ASZ1: variants seen among roughly 807,000 people sequenced by gnomAD.
The protein encoded by ASZ1 is ankyrin repeat, SAM and basic leucine zipper domain-containing protein 1.
ASZ1 carries 67 observed loss-of-function variants against 61.8 expected under a neutral mutation model. The ratio of observed to expected loss-of-function variants is 1.08; its 90% confidence interval spans 0.89 to 1.33. The LOEUF is 1.33. Ranked by LOEUF, ASZ1 falls within the 40% of genes most tolerant of loss-of-function variation. The pLI is 0.00. For missense variants in ASZ1, 577 were observed against 554.5 expected (o/e 1.04, Z -0.41); for synonymous variants, 193 against 192.7 (o/e 1.00, Z -0.01).
chr7:117,377,089 C>A (rs1489959265), intron 10 of ASZ1, among the ~76,000 whole-genome samples: 1 of 152,130 alleles, frequency 6.6e-6, no homozygotes, highest in Non-Finnish European at 1.5e-5. Flanking sequence ...AATGTACAGT[C>A]GAGACACAAA....
At chr7:117,372,645 TAAAGGTATTTATAAGC>T (rs140777138) in intron 10 of ASZ1, among the ~76,000 whole-genome samples, 3,214 of 152,302 alleles carry the variant, frequency 0.021, 115 homozygotes, top group African/African-American at 0.073. Context: ...ACACTTTAAA[TAAAGGTATTTATAAGC>T]AAAGGTATTA....
intron 4 of ASZ1, 151 bp downstream of exon 4, chr7:117,420,012 T>C (rs1797070112): frequency 1.9e-6 from 1 of 536,004 alleles, no homozygotes; most frequent in Non-Finnish European, 3.2e-6. Flanking sequence ...CTTCCTCTGA[T>C]AATCTTATAG....
At chr7:117,380,190 T>C in intron 9 of ASZ1, 143 bp from the exon 10 acceptor site, 1 of 590,252 alleles carries the variant, frequency 1.7e-6, no homozygotes, top group Admixed American at 3.2e-5. Context: ...TTCTAAAAAA[T>C]ATGTTTTTCT....
At chr7:117,398,611 C>T (rs1584732764) in intron 4 of ASZ1, among the ~76,000 whole-genome samples, 1 of 152,158 alleles carries the variant, frequency 6.6e-6, no homozygotes, top group South Asian at 2.1e-4. Context: ...TCCAATTTAT[C>T]CTCCATCTGC....
At chr7:117,386,020 C>T (rs1198662137) in intron 4 of ASZ1, among the ~76,000 whole-genome samples, 1 of 152,168 alleles carries the variant, frequency 6.6e-6, no homozygotes, top group Non-Finnish European at 1.5e-5. Context: ...AATGCTTACA[C>T]AGCACCCTCT....
intron 10 of ASZ1, among the ~76,000 whole-genome samples, chr7:117,378,235 C>A (rs1488678306): frequency 4.6e-5 from 7 of 151,902 alleles, no homozygotes. Flanking sequence ...GTGAAAGACC[C>A]CATTAAGAGG....
At chr7:117,421,835 G>C (rs1797105041) in intron 3 of ASZ1, among the ~76,000 whole-genome samples, 1 of 152,070 alleles carries the variant, frequency 6.6e-6, no homozygotes, top group Non-Finnish European at 1.5e-5. Context: ...TTAGTAACAA[G>C]GACAAAGATG....
chr7:117,373,331 C>T (rs201040681), intron 10 of ASZ1, among the ~76,000 whole-genome samples: 3 of 152,180 alleles, frequency 2.0e-5, no homozygotes, highest in East Asian at 3.9e-4. Context: ...GCCTCAGTCT[C>T]TCAAGTAGAT....
At position 117,422,277 on chromosome 7, in the gene ASZ1, C is replaced by A; in HGVS notation, c.288G>T (p.Arg96=). ...CATTAGCACCTCTGTCCAAAAGGAC[C>A]CGAACCAGCTCTGCATTGGCAACAC... is the stretch of plus-strand genomic sequence containing the variant. ...AASVANAELV[R]VLLDRGANAS... The change falls in exon 3 of 13, where the codon CGG becomes CGT. Residue 96 remains arginine (R), a synonymous_variant. Coordinates refer to ENST00000284629, the MANE Select transcript of ASZ1 (RefSeq NM_130768.3). The A allele has an allele frequency of 6.2e-7, 1 of 1,613,822 alleles. No individual in the cohort carries two copies. Among genetic ancestry groups the A allele is most frequent in the Non-Finnish European group, 8.5e-7 (1 of 1,179,902 alleles).
intron 2 of ASZ1, among the ~76,000 whole-genome samples, chr7:117,425,725 C>T (rs565400581): frequency 6.6e-6 from 1 of 151,634 alleles, no homozygotes; most frequent in African/African-American, 2.4e-5. Context: ...GGCGGTGGCT[C>T]TTGCTTGTAA....
intron 8 of ASZ1, among the ~76,000 whole-genome samples, chr7:117,381,585 C>T (rs966615944): frequency 9.2e-5 from 14 of 152,174 alleles, no homozygotes; most frequent in African/African-American, 3.1e-4. Context: ...GGACTCAAAC[C>T]CCATAATGTA....
rs1329901404 is a variant in ASZ1 at position 117,367,465 on chromosome 7, T to C, written c.1162A>G (p.Ile388Val). 1 of 1,499,756 alleles carries C rather than the reference T, an allele frequency of 6.7e-7. No individual in the cohort carries two copies. Among genetic ancestry groups the C allele is most frequent in the Non-Finnish European group, 8.9e-7 (1 of 1,125,714 alleles). The allele number at this position is 1,499,756 out of a possible 1,614,324, so 92.9% of individuals were successfully genotyped here. A position where few individuals can be genotyped will look rare whatever the true frequency, so the allele number is the denominator to read the frequency against. Residue 388 changes from isoleucine (I) to valine (V), a missense_variant and splice_region_variant, in exon 12 of 13, where the codon ATA becomes GTA. By Grantham distance (29) the Ile-to-Val change is conservative (BLOSUM62 3). Coordinates refer to ENST00000284629, the MANE Select transcript of ASZ1 (RefSeq NM_130768.3). ...ITELPVNSQK[I>V]TLEWASPQNF... is the part of the protein sequence containing the mutation. The stretch of plus-strand genomic sequence containing the variant: ...TGGGGAGAAGCCCATTCCAGTGTTA[T>C]CTGTTAATATTTTCAAAAGTTCAAC...
chr7:117,386,432 T>A (rs1378549346), intron 4 of ASZ1, among the ~76,000 whole-genome samples: 1 of 152,168 alleles, frequency 6.6e-6, no homozygotes, highest in Admixed American at 6.5e-5. Context: ...GGTTTCTCTG[T>A]AGTTTATCAT....
intron 3 of ASZ1, among the ~76,000 whole-genome samples, chr7:117,421,024 G>A (rs889765022): frequency 4.6e-5 from 7 of 152,116 alleles, no homozygotes; most frequent in Non-Finnish European, 1.0e-4. Flanking sequence ...TCTGCCCTTT[G>A]TATGTAACAG....
At chr7:117,407,760 G>A (rs1320760058) in intron 4 of ASZ1, among the ~76,000 whole-genome samples, 3 of 152,258 alleles carry the variant, frequency 2.0e-5, no homozygotes, top group Non-Finnish European at 4.4e-5. Flanking sequence ...GACAGGCATC[G>A]TGACATAGTG....
chr7:117,423,689 C>CAAAAAAAAAAA (rs60144830), intron 2 of ASZ1, among the ~76,000 whole-genome samples: 14 of 76,374 alleles, frequency 1.8e-4, no homozygotes, highest in East Asian at 1.8e-3. Flanking sequence ...ACTAAAAATA[C>CAAAAAAAAAAA]AAAAAAAAAA....
chr7:117,384,595 A>G (rs1796312038), intron 6 of ASZ1, 131 bp downstream of exon 6: 3 of 1,075,586 alleles, frequency 2.8e-6, no homozygotes, highest in African/African-American at 1.7e-5. Context: ...GGAAAGATAC[A>G]TATTTAAACA....
intron 4 of ASZ1, among the ~76,000 whole-genome samples, chr7:117,390,651 C>T (rs1796447220): frequency 6.6e-6 from 1 of 152,132 alleles, no homozygotes. Context: ...TACCTTCTGC[C>T]AGCAGTGTAC....
In ASZ1 at chr7:117,385,603, C is replaced by T. The variant is rs181665836; in HGVS notation, c.552+95G>A. The T allele has an allele frequency of 5.2e-5, 53 of 1,010,344 alleles. No homozygotes were observed. In the African/African-American group the frequency reaches 7.7e-4, roughly 15 times the overall value. 62.6% of individuals were successfully genotyped at this position (1,010,344 alleles called of 1,614,324 possible). A position where few individuals can be genotyped will look rare whatever the true frequency, so the allele number is the denominator to read the frequency against. On this transcript the variant is annotated intron_variant, in intron 5 of 12. Coordinates refer to ENST00000284629, the MANE Select transcript of ASZ1 (RefSeq NM_130768.3). ...TTTTCACCAGATAGCAATTATATTCCAGCCCTTTTGTAATTATTACTTCTT... is the reference window on the plus strand; with the variant it reads ...TTTTCACCAGATAGCAATTATATTCTAGCCCTTTTGTAATTATTACTTCTT...
Sources: allele counts gnomAD v4.1 joint callset (sites outside exome capture counted in the v4.1 genomes callset), GRCh38; gene constraint gnomAD v4.1.1; transcripts MANE v1.5; gene names NCBI Gene and HGNC (gene_info 2026-07-23, HGNC 2026-07-21).